EFCAB6: variants seen among roughly 807,000 people sequenced by gnomAD.
EFCAB6 encodes EF-hand calcium binding domain 6, also known as EF-hand calcium-binding domain-containing protein 6.
EFCAB6 carries 156 observed loss-of-function variants against 169.8 expected under a neutral mutation model. The ratio of observed to expected loss-of-function variants is 0.92; its 90% CI spans 0.81 to 1.05. The LOEUF is 1.05. Among genes scored for constraint, EFCAB6 ranks in the 50% least tolerant of loss-of-function variants. The pLI is 0.00. For missense variants in EFCAB6, 1,800 were observed against 1,829.1 expected, an observed-to-expected ratio of 0.98 and a Z score of 0.29; for synonymous variants, 698 against 676.4, an observed-to-expected ratio of 1.03 and a Z score of -0.50.
chr22:43,655,784 A>G (rs962925564), intron 17 of EFCAB6, among the ~76,000 whole-genome samples: 2 of 152,178 alleles, frequency 1.3e-5, no homozygotes, highest in African/African-American at 4.8e-5. Context: ...GTTTGAAAGC[A>G]AAAGGATAGA....
In EFCAB6 at chr22:43,632,108, G is replaced by C. The variant is rs2054991709; in HGVS notation, c.2229C>G (p.Phe743Leu). The C allele has an allele frequency of 6.2e-7, 1 of 1,613,818 alleles. No homozygotes were observed. Among genetic ancestry groups the C allele is most frequent in the Non-Finnish European group, 8.5e-7 (1 of 1,179,924 alleles). Residue 743 changes from phenylalanine (F) to leucine (L), a missense_variant, in exon 19 of 32, where the codon TTC becomes TTG. By Grantham distance (22) the Phe-to-Leu change is conservative. Coordinates refer to ENST00000262726, the MANE Select transcript of EFCAB6 (RefSeq NM_022785.4). ...KLFPRRLKES[F>L]RDPYSAFFKT... ...GCGCCAGACAGTCACGGTTTACCCG[G>C]AATGACTCCTTCAGCCTCCTAGGGA...
chr22:43,715,183 A>G lies in EFCAB6; in HGVS notation c.882+1665T>C, dbSNP rs144158049. On this transcript the variant is annotated intron_variant, in intron 9 of 31. Coordinates refer to ENST00000262726, the MANE Select transcript of EFCAB6 (RefSeq NM_022785.4). Reference sequence around the variant, plus strand: ...GCCTTAGAGTCCCTTTGGGGACCTAATAAGTCTTGCGGGAAGGAAATGTTC... The same window carrying G: ...GCCTTAGAGTCCCTTTGGGGACCTAGTAAGTCTTGCGGGAAGGAAATGTTC... 2.1e-3 allele frequency among the ~76,000 whole-genome samples: 315 copies of G among 152,284 alleles called. 1 individual carries two copies. The highest frequency in any genetic ancestry group is 7.4e-3 in the African/African-American group (306 of 41,554).
In EFCAB6 at chr22:43,711,624, C is replaced by G; in HGVS notation, c.883-1G>C. ...CAACCTTTTCATAAGACTTCGAAAG[C>G]TGCAATAAATTGAAATTAGAGTGTG... On this transcript the variant is annotated splice_acceptor_variant, in intron 9 of 31. Coordinates refer to ENST00000262726, the MANE Select transcript of EFCAB6 (RefSeq NM_022785.4). LOFTEE classifies it high-confidence loss of function. 1.3e-6 allele frequency: 2 copies of G among 1,577,056 alleles called. No individual in the cohort carries two copies. Among genetic ancestry groups the G allele is most frequent in the Non-Finnish European group, 1.7e-6 (2 of 1,170,774 alleles).
At chr22:43,627,270 G>C (rs1003069515) in intron 19 of EFCAB6, among the ~76,000 whole-genome samples, 4 of 152,190 alleles carry the variant, frequency 2.6e-5, no homozygotes, top group African/African-American at 9.7e-5. Context: ...AGGAAACAGA[G>C]GCTCAGGGTT....
intron 26 of EFCAB6, among the ~76,000 whole-genome samples, chr22:43,561,280 C>A (rs2049015850): frequency 6.6e-6 from 1 of 151,528 alleles, no homozygotes; most frequent in African/African-American, 2.4e-5. Flanking sequence ...TTGCTTGAAC[C>A]CAGGAGGCAG....
In EFCAB6 at chr22:43,674,029, G is replaced by T. The variant is rs562409385; in HGVS notation, c.1420-1724C>A. On this transcript the variant is annotated intron_variant, in intron 13 of 31. Transcript: ENST00000262726. ...TTAAATAAAATAGCTACAATCTACA[G>T]AAGTGTGTGTCCAAACTCATCAAAC... Among the ~76,000 whole-genome samples the T allele has an allele frequency of 6.6e-5, 10 of 150,702 alleles. No individual in the cohort carries two copies. In the South Asian group the frequency reaches 1.9e-3, roughly 28 times the overall value.
At chr22:43,612,325 C>T (rs2053372266) in intron 21 of EFCAB6, among the ~76,000 whole-genome samples, 2 of 152,152 alleles carry the variant, frequency 1.3e-5, no homozygotes, top group Non-Finnish European at 1.5e-5. Context: ...GATTTGACAG[C>T]TTCTGCACAG....
chr22:43,706,208 A>G (rs1236665956), intron 10 of EFCAB6, among the ~76,000 whole-genome samples: 2 of 152,220 alleles, frequency 1.3e-5, no homozygotes, highest in African/African-American at 4.8e-5. Context: ...GGCTTCTGCC[A>G]GGCCCCAGAA....
At chr22:43,594,971 G>A (rs1269638510) in intron 23 of EFCAB6, among the ~76,000 whole-genome samples, 1 of 152,008 alleles carries the variant, frequency 6.6e-6, no homozygotes, top group Non-Finnish European at 1.5e-5. Context: ...AATAAAAAGA[G>A]GAACTTTGGA....
At chr22:43,737,852 CACAT>C (rs374672533) in intron 6 of EFCAB6, among the ~76,000 whole-genome samples, 1,762 of 151,614 alleles carry the variant, frequency 0.012, 10 homozygotes, top group Middle Eastern at 0.034. Context: ...TATATTCTCA[CACAT>C]ACATACATGC....
rs2047451769 is a variant in EFCAB6, at chr22:43,537,483, C to G, written c.3942G>C (p.Glu1314Asp). 1 of 1,614,142 alleles carries G rather than the reference C, an allele frequency of 6.2e-7. No homozygotes were observed. The highest frequency in any genetic ancestry group is 8.5e-7 in the Non-Finnish European group (1 of 1,180,036). Reference sequence around the variant, plus strand: ...CCTGGATTCTCTTCCGGAGCCTGCTCTCTATGGGATCACAGTTCTGCAAGG... The same window carrying G: ...CCTGGATTCTCTTCCGGAGCCTGCTGTCTATGGGATCACAGTTCTGCAAGG... ...TPPLQNCDPI[E>D]SRLRKRIQGC... The change falls in exon 29 of 32, where the codon GAG becomes GAC. Residue 1314 changes from glutamate to aspartate, a missense_variant. Physicochemically the swap from Glu to Asp is conservative, Grantham distance 45. Transcript: ENST00000262726. This position sits in a 1 kb window ranked among gnomAD's most constrained non-coding sequence, Gnocchi z 4.3.
chr22:43,806,851 T>G (rs987070775), intron 2 of EFCAB6, among the ~76,000 whole-genome samples: 1 of 152,222 alleles, frequency 6.6e-6, no homozygotes, highest in Admixed American at 6.5e-5. Context: ...ACTTAAGTCT[T>G]ATAGGTGTGC....
At chr22:43,654,324 A>G (rs2056628068) in intron 17 of EFCAB6, among the ~76,000 whole-genome samples, 1 of 152,222 alleles carries the variant, frequency 6.6e-6, no homozygotes, top group South Asian at 2.1e-4. Flanking sequence ...GATTTCTTCC[A>G]AAGACGAAAA....
At chr22:43,764,562 T>C (rs2061268101) in intron 5 of EFCAB6, among the ~76,000 whole-genome samples, 1 of 152,190 alleles carries the variant, frequency 6.6e-6, no homozygotes, top group Non-Finnish European at 1.5e-5. Context: ...TACCTAGTAA[T>C]GGGATTGCTG....
At chr22:43,548,023 G>A (rs1380161952) in intron 27 of EFCAB6, among the ~76,000 whole-genome samples, 1 of 152,024 alleles carries the variant, frequency 6.6e-6, no homozygotes, top group East Asian at 1.9e-4. Context: ...GTGAACCCAG[G>A]AGGCGGAACT....
intron 21 of EFCAB6, among the ~76,000 whole-genome samples, chr22:43,615,507 T>C (rs1235082319): frequency 6.6e-6 from 1 of 152,222 alleles, no homozygotes; most frequent in African/African-American, 2.4e-5. Context: ...TTGCAGTTTT[T>C]CCGTTAAAGT....
At chr22:43,687,200 C>T (rs2058229894) in intron 11 of EFCAB6, among the ~76,000 whole-genome samples, 1 of 152,248 alleles carries the variant, frequency 6.6e-6, no homozygotes. Flanking sequence ...GTCTCCACCA[C>T]ACTCTGAGCA....
chr22:43,568,778 G>A (rs2049622030), intron 26 of EFCAB6, among the ~76,000 whole-genome samples: 1 of 152,190 alleles, frequency 6.6e-6, no homozygotes, highest in Non-Finnish European at 1.5e-5. Flanking sequence ...TTGGGGACAT[G>A]GGACTCCCAG....
rs537649985 is a variant in EFCAB6, at chr22:43,666,189, T to C, written c.1983+915A>G. ...TCTCCTGGCTCTCCCCATATGCTCA[T>C]ACAACAAAGGACCCTCCACGTCTTG... On this transcript the variant is annotated intron_variant, in intron 17 of 31. Coordinates refer to ENST00000262726, the MANE Select transcript of EFCAB6 (RefSeq NM_022785.4). 2.6e-5 allele frequency among the ~76,000 whole-genome samples: 4 copies of C among 152,314 alleles called. No individual in the cohort carries two copies. The East Asian group carries it at 7.7e-4, about 29-fold the overall frequency.
Sources: gnomAD v4.1 joint callset for allele counts (sites outside exome capture counted in the v4.1 genomes callset) on GRCh38, gnomAD v4.1.1 for gene constraint, Gnocchi (gnomAD v3.1) non-coding constraint, MANE v1.5 for transcripts, NCBI Gene and HGNC (gene_info 2026-07-23, HGNC 2026-07-21) for gene names.